Variants in SEZ6L observed in about 807,000 individuals in gnomAD.
SEZ6L encodes seizure related 6 homolog like.
In SEZ6L, 37 loss-of-function variants were observed where a neutral mutation model predicts 106.2. The observed-to-expected ratio is 0.35, with a 90% CI of 0.27 to 0.46. The LOEUF is 0.46. Ranked by LOEUF, SEZ6L falls within the 20% of genes least tolerant of loss-of-function variation. The pLI, the probability that SEZ6L is intolerant of heterozygous loss-of-function variation, is 1.00. For synonymous variants in SEZ6L, 541 were observed against 570.4 expected (o/e 0.95, Z 0.73); for missense variants, 1,172 against 1,332.8 (o/e 0.88, Z 1.88).
intron 1 of SEZ6L, among the ~76,000 whole-genome samples, chr22:26,204,607 C>T (rs1222168440): frequency 6.6e-6 from 1 of 152,208 alleles, no homozygotes; most frequent in East Asian, 1.9e-4. Context: ...AGATCTATTG[C>T]TGTGAGAGTA....
intron 9 of SEZ6L, among the ~76,000 whole-genome samples, chr22:26,337,925 C>A (rs1399669567): frequency 1.3e-5 from 2 of 152,180 alleles, no homozygotes; most frequent in African/African-American, 4.8e-5. Flanking sequence ...CCTGCCCTCC[C>A]AGAAGCAAAC....
intron 3 of SEZ6L, among the ~76,000 whole-genome samples, chr22:26,295,376 A>G (rs959416921): frequency 1.1e-4 from 17 of 152,230 alleles, no homozygotes; most frequent in Non-Finnish European, 2.5e-4. Flanking sequence ...CATGGGAAAT[A>G]AAGAGCCATC....
intron 9 of SEZ6L, among the ~76,000 whole-genome samples, chr22:26,338,679 C>T (rs1182251119): frequency 6.6e-6 from 1 of 152,108 alleles, no homozygotes; most frequent in Non-Finnish European, 1.5e-5. Flanking sequence ...CCTGCCTCAG[C>T]CTCCCGAGTA....
chr22:26,235,787 A>C (rs764850155), intron 1 of SEZ6L, among the ~76,000 whole-genome samples: 4 of 152,236 alleles, frequency 2.6e-5, no homozygotes, highest in Non-Finnish European at 5.9e-5. Context: ...GAGGGGTAGA[A>C]TAGAGGACTC....
intron 5 of SEZ6L, among the ~76,000 whole-genome samples, chr22:26,305,456 A>G (rs1425224549): frequency 1.3e-5 from 2 of 152,164 alleles, no homozygotes; most frequent in Admixed American, 6.5e-5. Context: ...CACCCTTACC[A>G]TCTCCAGATT....
chr22:26,313,830 A>G lies in SEZ6L; in HGVS notation c.1943A>G (p.Tyr648Cys). The G allele has an allele frequency of 6.2e-7, 1 of 1,613,380 alleles. No individual in the cohort carries two copies. Among genetic ancestry groups the G allele is most frequent in the Non-Finnish European group, 8.5e-7 (1 of 1,179,380 alleles). Reference sequence around the variant, plus strand: ...TTGTCCCCAAACTGGCCCGAGCCCTACGTGGAAGGTGAAGATTGTATCTGG... The same window carrying G: ...TTGTCCCCAAACTGGCCCGAGCCCTGCGTGGAAGGTGAAGATTGTATCTGG... ...VVLSPNWPEPYVEGEDCIWKI... is the reference protein window; with the variant it reads ...VVLSPNWPEPCVEGEDCIWKI... The change falls in exon 9 of 17, where the codon TAC (tyrosine) becomes TGC (cysteine). Residue 648 changes from tyrosine (Y) to cysteine (C), a missense_variant. Physicochemically the swap from Tyr to Cys is radical, Grantham distance 194 (BLOSUM62 -2). Transcript: ENST00000248933.
At chr22:26,375,785 C>A (rs914114684) in intron 15 of SEZ6L, 96 bp downstream of exon 15, 21 of 834,804 alleles carry the variant, frequency 2.5e-5, no homozygotes, top group Non-Finnish European at 3.6e-5. Flanking sequence ...GGGTCTCCAC[C>A]TGGAGCTCGG....
At chr22:26,347,983 T>C in intron 11 of SEZ6L, 70 bp downstream of exon 11, 3 of 1,268,306 alleles carry the variant, frequency 2.4e-6, no homozygotes, top group African/African-American at 3.1e-5. Context: ...CTTTTTTTGG[T>C]GGGTGCAGTG....
At position 26,358,597 on chromosome 22, in the gene SEZ6L, GA is replaced by G. The variant is rs757946241; in HGVS notation, c.2600-6770del. Among the ~76,000 whole-genome samples, 126 of 152,290 alleles carry G rather than the reference GA, an allele frequency of 8.3e-4. 1 individual carries two copies. The highest frequency in any genetic ancestry group is 3.4e-3 in the Middle Eastern group (1 of 294). ...CTATTGTTAAAGAGAGGGGAAAATA[GA>G]AAAAGAAAACAGAAACGAGAGTGGG... On this transcript the variant is annotated intron_variant, in intron 12 of 16. Transcript: ENST00000248933.
intron 1 of SEZ6L, among the ~76,000 whole-genome samples, chr22:26,292,096 G>GA (rs1218560119): frequency 1.5e-5 from 2 of 134,644 alleles, no homozygotes; most frequent in African/African-American, 2.8e-5. Context: ...AAGGAAGAAA[G>GA]AAAAAAATGG....
In SEZ6L at chr22:26,365,300, A is replaced by G. The variant is rs79907981; in HGVS notation, c.2600-72A>G. ...TGGAGAGGCTGACCAAAGCTAGATC[A>G]CACGGGTTCTGAGCAGGACTCCCCA... On this transcript the variant is annotated intron_variant, in intron 12 of 16. Coordinates refer to ENST00000248933, the MANE Select transcript of SEZ6L (RefSeq NM_021115.5). 422 of 1,366,540 alleles carry G rather than the reference A, an allele frequency of 3.1e-4. No individual in the cohort carries two copies. The African/African-American group carries it at 5.3e-3, about 17-fold the overall frequency. The allele number at this position is 1,366,540 out of a possible 1,614,324, so 84.7% of individuals were successfully genotyped here.
At chr22:26,213,063 T>C (rs192977692) in intron 1 of SEZ6L, among the ~76,000 whole-genome samples, 1 of 152,332 alleles carries the variant, frequency 6.6e-6, no homozygotes, top group East Asian at 1.9e-4. Context: ...TTCTAAATCC[T>C]GGAGGATGGG....
rs148015741 is a variant in SEZ6L, at chr22:26,267,494, A to C, written c.95-24912A>C. The stretch of plus-strand genomic sequence containing the variant: ...AATATTTCCCAAACTGGAATTCTGC[A>C]AAACACTATTTTACAAGATGTAAAT... On this transcript the variant is annotated intron_variant, in intron 1 of 16. Coordinates refer to ENST00000248933, the MANE Select transcript of SEZ6L (RefSeq NM_021115.5). Among the ~76,000 whole-genome samples the C allele has an allele frequency of 1.6e-4, 24 of 152,314 alleles. No homozygotes were observed. In the East Asian group the frequency reaches 4.4e-3, roughly 28 times the overall value.
chr22:26,281,267 C>T (rs1031556455), intron 1 of SEZ6L, among the ~76,000 whole-genome samples: 1 of 152,180 alleles, frequency 6.6e-6, no homozygotes, highest in Non-Finnish European at 1.5e-5. Context: ...ACGTAATGCA[C>T]TGCGTCACTA....
intron 10 of SEZ6L, among the ~76,000 whole-genome samples, chr22:26,343,017 C>A (rs1457193641): frequency 6.6e-6 from 1 of 152,130 alleles, no homozygotes; most frequent in Non-Finnish European, 1.5e-5. Flanking sequence ...TTTTATGTTT[C>A]CCAGGGGCCT....
intron 1 of SEZ6L, among the ~76,000 whole-genome samples, chr22:26,213,325 C>T (rs181826266): frequency 2.0e-5 from 3 of 152,242 alleles, no homozygotes; most frequent in African/African-American, 4.8e-5. Context: ...CTCCAGACAC[C>T]GGCTGGGTGG....
chr22:26,199,344 T>A (rs1940781866), intron 1 of SEZ6L, among the ~76,000 whole-genome samples: 2 of 152,186 alleles, frequency 1.3e-5, no homozygotes, highest in Non-Finnish European at 2.9e-5. Context: ...TCTGGGCTAA[T>A]CTTTAGTCTG....
At chr22:26,287,840 C>A (rs2080986513) in intron 1 of SEZ6L, among the ~76,000 whole-genome samples, 1 of 152,146 alleles carries the variant, frequency 6.6e-6, no homozygotes, top group South Asian at 2.1e-4. Context: ...AAGATCCAAG[C>A]TTGTGTATGA....
intron 5 of SEZ6L, among the ~76,000 whole-genome samples, chr22:26,300,683 C>A (rs5761468): frequency 1.8e-4 from 28 of 152,166 alleles, no homozygotes; most frequent in African/African-American, 6.0e-4. Context: ...AATGGGATTG[C>A]TGGGTCAAAT....
Sources: allele counts gnomAD v4.1 joint callset (sites outside exome capture counted in the v4.1 genomes callset), GRCh38; gene constraint gnomAD v4.1.1; transcripts MANE v1.5; gene names NCBI Gene and HGNC (gene_info 2026-07-23, HGNC 2026-07-21).